OPRPN: variants seen among roughly 807,000 people sequenced by gnomAD.
OPRPN encodes the protein opiorphin prepropeptide.
Under a neutral mutation model 2.2 loss-of-function variants are expected in OPRPN, and 1 was observed. The ratio of observed to expected loss-of-function variants is 0.45; its 90% CI spans 0.16 to 2.15. The LOEUF is 2.15. OPRPN is among the 30% of genes most tolerant of loss of function. OPRPN has a pLI of 0.28. For synonymous variants in OPRPN, 126 were observed against 111.5 expected (o/e 1.13, Z -0.82); for missense variants, 306 against 297.3 (o/e 1.03, Z -0.21).
rs970885607 is a variant in OPRPN at position 70,409,403 on chromosome 4, C to T, written c.75C>T (p.Ser25=). The change falls in exon 3 of 3, where the codon TCC becomes TCT. Residue 25 remains serine (S), a synonymous_variant. Transcript: ENST00000399575. Reference sequence around the variant, plus strand: ...AGCCCAGTGAGAGTCAAAGATTCTCCAGAAGACCATATCTACCTGGCCAGC... The same window carrying T: ...AGCCCAGTGAGAGTCAAAGATTCTCTAGAAGACCATATCTACCTGGCCAGC... ...CFTPSESQRF[S]RRPYLPGQLP... is the part of the protein sequence containing the mutation. The T allele has an allele frequency of 1.2e-6, 2 of 1,611,216 alleles. No individual in the cohort carries two copies. Among genetic ancestry groups the T allele is most frequent in the East Asian group, 4.5e-5 (2 of 44,852 alleles).
intron 2 of OPRPN, among the ~76,000 whole-genome samples, chr4:70,408,910 T>A (rs1488679714): frequency 6.6e-6 from 1 of 152,196 alleles, no homozygotes; most frequent in East Asian, 1.9e-4. Flanking sequence ...TTTCTCTTTG[T>A]CCCTAGAAAG....
intron 2 of OPRPN, among the ~76,000 whole-genome samples, chr4:70,404,610 C>A (rs1733047538): frequency 6.6e-6 from 1 of 152,188 alleles, no homozygotes; most frequent in Non-Finnish European, 1.5e-5. Context: ...TCTGCTTTCA[C>A]TATTGTCCCT....
At chr4:70,398,425 A>G (rs1189177822) in intron 1 of OPRPN, among the ~76,000 whole-genome samples, 1 of 152,044 alleles carries the variant, frequency 6.6e-6, no homozygotes, top group Admixed American at 6.6e-5. Flanking sequence ...GCTTTCTAAT[A>G]TGAAAACATA....
intron 2 of OPRPN, among the ~76,000 whole-genome samples, chr4:70,405,164 A>G (rs1319056055): frequency 6.6e-6 from 1 of 152,208 alleles, no homozygotes; most frequent in African/African-American, 2.4e-5. Context: ...TAAGCTTATC[A>G]TTTGTGAAGG....
intron 2 of OPRPN, among the ~76,000 whole-genome samples, chr4:70,404,005 A>T (rs1444907328): frequency 6.6e-6 from 1 of 152,074 alleles, no homozygotes; most frequent in Non-Finnish European, 1.5e-5. Context: ...GTTTGTTTTC[A>T]TACTCCACTG....
At chr4:70,402,224 G>T (rs963685297) in intron 2 of OPRPN, among the ~76,000 whole-genome samples, 11 of 152,072 alleles carry the variant, frequency 7.2e-5, no homozygotes, top group African/African-American at 2.7e-4. Context: ...CAGTAGGTCT[G>T]CCTGAGCCCC....
At chr4:70,404,316 T>G (rs1051257513) in intron 2 of OPRPN, among the ~76,000 whole-genome samples, 10 of 152,188 alleles carry the variant, frequency 6.6e-5, no homozygotes, top group Non-Finnish European at 1.0e-4. Flanking sequence ...GTTGGTCTCC[T>G]TCTCCAGACA....
In OPRPN at chr4:70,410,004, T is replaced by C; in HGVS notation, c.676T>C (p.Ser226Pro). The change falls in exon 3 of 3, where the codon TCC (serine) becomes CCC (proline). Residue 226 changes from serine (S) to proline (P), a missense_variant. Physicochemically the swap from Ser to Pro is moderately conservative, Grantham distance 74. Transcript: ENST00000399575. Reference sequence around the variant, plus strand: ...CAATGCCACTGTCCAAGTTACGACTTCCAACCAAACTATATTAAGCAGCCC... The same window carrying C: ...CAATGCCACTGTCCAAGTTACGACTCCCAACCAAACTATATTAAGCAGCCC... ...LLNATVQVTTSNQTILSSPAF... is the reference protein window; with the variant it reads ...LLNATVQVTTPNQTILSSPAF... 1 of 1,611,920 alleles carries C rather than the reference T, an allele frequency of 6.2e-7. No individual in the cohort carries two copies. The highest frequency in any genetic ancestry group is 8.5e-7 in the Non-Finnish European group (1 of 1,179,336).
rs183995078 is a variant in OPRPN, at chr4:70,399,082, A to T, written c.-15-189A>T. Among the ~76,000 whole-genome samples, 137 of 152,066 alleles carry T rather than the reference A, an allele frequency of 9.0e-4. 1 individual carries two copies. The highest frequency in any genetic ancestry group is 3.1e-3 in the African/African-American group (127 of 41,544). ...GTACCACCATTAAAAAAAAAATCAC[A>T]AACATGACAGTATTGCTGTGCATCT... On this transcript the variant is annotated intron_variant, in intron 1 of 2. Coordinates refer to ENST00000399575, the MANE Select transcript of OPRPN (RefSeq NM_021225.5).
intron 2 of OPRPN, among the ~76,000 whole-genome samples, chr4:70,405,760 C>G (rs1038841556): frequency 1.3e-5 from 2 of 152,062 alleles, no homozygotes; most frequent in African/African-American, 4.8e-5. Flanking sequence ...TTCATTTATT[C>G]AAAAACATTT....
At chr4:70,398,194 T>C (rs1732902162) in intron 1 of OPRPN, among the ~76,000 whole-genome samples, 154 bp downstream of exon 1, 1 of 151,904 alleles carries the variant, frequency 6.6e-6, no homozygotes. Flanking sequence ...TCATTGTCTG[T>C]GGTAAAATTG....
chr4:70,400,515 G>A (rs1206216981), intron 2 of OPRPN, among the ~76,000 whole-genome samples: 1 of 151,798 alleles, frequency 6.6e-6, no homozygotes, highest in Non-Finnish European at 1.5e-5. Flanking sequence ...CACTTAATAA[G>A]AATGAACATT....
rs1733197156 is a variant in OPRPN at position 70,410,160 on chromosome 4, C to G, written c.*85C>G. ...TGATTTTGATGGAACCAACCCTGAT[C>G]TAACCAGCACACTAAATAAAGTATT... On this transcript the variant is annotated 3_prime_UTR_variant, in exon 3 of 3. Coordinates refer to ENST00000399575, the MANE Select transcript of OPRPN (RefSeq NM_021225.5). 1 of 971,268 alleles carries G rather than the reference C, an allele frequency of 1.0e-6. No individual in the cohort carries two copies. The highest frequency in any genetic ancestry group is 1.8e-5 in the South Asian group (1 of 56,778). 60.2% of individuals were successfully genotyped at this position (971,268 alleles called of 1,614,324 possible). A position where few individuals can be genotyped will look rare whatever the true frequency, so the allele number is the denominator to read the frequency against.
chr4:70,399,157 T>C, intron 1 of OPRPN, 114 bp from the exon 2 acceptor site: 1 of 625,538 alleles, frequency 1.6e-6, no homozygotes, highest in Non-Finnish European at 2.7e-6. Flanking sequence ...AAGGTTATGT[T>C]GGTCTTTCTT....
chr4:70,409,808 TGCAACAGCAACCACCA>T lies in OPRPN; in HGVS notation c.484_499del (p.Thr162LeufsTer7), dbSNP rs1309585489. 4.3e-6 allele frequency: 7 copies of T among 1,611,054 alleles called. No homozygotes were observed. The South Asian group carries it at 7.7e-5, about 18-fold the overall frequency. ...CAATCACCACAAATCCCCCCACCAC[TGCAACAGCAACCACCA>T]GCACTTCCACAAAACCCACAATGAC... On this transcript the variant is annotated frameshift_variant, in exon 3 of 3. Coordinates refer to ENST00000399575, the MANE Select transcript of OPRPN (RefSeq NM_021225.5). LOFTEE classifies it low-confidence loss of function (END_TRUNC).
chr4:70,404,142 G>A (rs1026857943), intron 2 of OPRPN, among the ~76,000 whole-genome samples: 1 of 152,092 alleles, frequency 6.6e-6, no homozygotes, highest in Non-Finnish European at 1.5e-5. Context: ...AACCACATTT[G>A]TCAAATTGTA....
chr4:70,402,104 G>C (rs927624706), intron 2 of OPRPN, among the ~76,000 whole-genome samples: 4 of 152,084 alleles, frequency 2.6e-5, no homozygotes, highest in Non-Finnish European at 5.9e-5. Flanking sequence ...ACGATAAGCA[G>C]ATATCAAATA....
chr4:70,404,390 C>T (rs534345995), intron 2 of OPRPN, among the ~76,000 whole-genome samples: 41 of 152,122 alleles, frequency 2.7e-4, no homozygotes, highest in Admixed American at 1.9e-3. Context: ...TACCCTTTCT[C>T]CATCTATGAG....
chr4:70,406,666 T>C (rs749859523), intron 2 of OPRPN, among the ~76,000 whole-genome samples: 28 of 152,102 alleles, frequency 1.8e-4, no homozygotes, highest in Non-Finnish European at 3.4e-4. Flanking sequence ...AAAGAGCTCG[T>C]TATGTTGAAA....
Sources: gnomAD v4.1 joint callset for allele counts (sites outside exome capture counted in the v4.1 genomes callset) on GRCh38, gnomAD v4.1.1 for gene constraint, MANE v1.5 for transcripts, NCBI Gene and HGNC (gene_info 2026-07-23, HGNC 2026-07-21) for gene names.